Variants in ATAD5 observed in about 807,000 individuals in gnomAD.
ATAD5 encodes the protein ATPase family AAA domain-containing protein 5.
In ATAD5, 58 loss-of-function variants were observed where a neutral mutation model predicts 176.9. The observed-to-expected ratio is 0.33, with a 90% confidence interval of 0.27 to 0.41. The LOEUF (loss-of-function observed/expected upper bound fraction) is 0.41, where lower values mean the gene tolerates loss of function less well. ATAD5 is among the 10% of genes least tolerant of loss of function. ATAD5 has a pLI of 1.00. For synonymous variants in ATAD5, 640 were observed against 712.6 expected, an observed-to-expected ratio of 0.90 and a Z score of 1.62; for missense variants, 1,789 against 2,094.1, an observed-to-expected ratio of 0.85 and a Z score of 2.84.
chr17:30,857,891 G>T (rs887342139), intron 8 of ATAD5, among the ~76,000 whole-genome samples: 1 of 151,750 alleles, frequency 6.6e-6, no homozygotes, highest in Non-Finnish European at 1.5e-5. Context: ...ACAGGCACAC[G>T]CCACCATGCC....
chr17:30,833,679 ATG>A (rs1305002278), intron 1 of ATAD5, among the ~76,000 whole-genome samples: 2 of 152,012 alleles, frequency 1.3e-5, no homozygotes, highest in African/African-American at 4.8e-5. Context: ...TAATACATGT[ATG>A]GTTTCTTTTT....
intron 1 of ATAD5, 29 bp from the exon 2 acceptor site, chr17:30,834,119 A>G (rs1223737700): frequency 1.4e-6 from 2 of 1,470,646 alleles, no homozygotes; most frequent in Non-Finnish European, 1.8e-6. Flanking sequence ...TGCTTGAAAT[A>G]AGTGCCTTTT....
intron 14 of ATAD5, among the ~76,000 whole-genome samples, chr17:30,871,315 T>G (rs922127492): frequency 2.6e-5 from 4 of 151,518 alleles, no homozygotes; most frequent in African/African-American, 4.9e-5. Context: ...AACAACTGTT[T>G]TAATGGTCTT....
At chr17:30,877,645 A>G in intron 16 of ATAD5, 96 bp downstream of exon 16, 3 of 1,308,130 alleles carry the variant, frequency 2.3e-6, no homozygotes, top group Non-Finnish European at 3.2e-6. Flanking sequence ...TAAAATAGCT[A>G]AGGAGGTCAG....
At chr17:30,875,230 G>C (rs1341456187) in intron 14 of ATAD5, among the ~76,000 whole-genome samples, 1 of 152,132 alleles carries the variant, frequency 6.6e-6, no homozygotes. Flanking sequence ...GAGGGGAAGA[G>C]AGGATGTATT....
chr17:30,876,702 CTTTTTTTTTTTTTT>C (rs202065630), intron 15 of ATAD5, 152 bp downstream of exon 15: 36 of 127,772 alleles, frequency 2.8e-4, no homozygotes, highest in South Asian at 5.1e-4. Context: ...ATTTTGTTTC[CTTTTTTTTTTTTTT>C]TTTTTTTTTT....
At chr17:30,842,479 C>T (rs1906187098) in intron 4 of ATAD5, among the ~76,000 whole-genome samples, 1 of 152,128 alleles carries the variant, frequency 6.6e-6, no homozygotes, top group Non-Finnish European at 1.5e-5. Flanking sequence ...CTCTCCCCTA[C>T]ATTCAGATGT....
At position 30,895,399 on chromosome 17, in the gene ATAD5, T is replaced by G. The variant is rs987120115; in HGVS notation, c.*486T>G. 6.7e-6 allele frequency: 1 copy of G among 149,972 alleles called. No individual in the cohort carries two copies. Among genetic ancestry groups the G allele is most frequent in the African/African-American group, 2.4e-5 (1 of 41,198 alleles). 9.3% of individuals were successfully genotyped at this position (149,972 alleles called of 1,614,324 possible). On this transcript the variant is annotated 3_prime_UTR_variant, in exon 23 of 23. Transcript: ENST00000321990. ...GATCCTCATATTGTACAGTTTTTTT[T>G]GTGTGCTTTTTTTTTTTTTTTTTGA...
Position 30,869,210 on chromosome 17 carries a change from GC to G in ATAD5, c.3314-37del, listed in dbSNP as rs776535263. 3.8e-6 allele frequency: 6 copies of G among 1,575,470 alleles called. No homozygotes were observed. The East Asian group carries it at 1.3e-4, about 35-fold the overall frequency. The stretch of plus-strand genomic sequence containing the variant: ...TTCATAAGGTAGAATTGCTTCCTCA[GC>G]AATTGTCATTTTATATGCATTTGAA... On this transcript the variant is annotated intron_variant, in intron 12 of 22. Coordinates refer to ENST00000321990, the MANE Select transcript of ATAD5 (RefSeq NM_024857.5).
At chr17:30,860,325 G>C (rs1907551164) in intron 9 of ATAD5, 108 bp from the exon 10 acceptor site, 3 of 1,284,230 alleles carry the variant, frequency 2.3e-6, no homozygotes. Context: ...CACCTGGATT[G>C]CCTTTGCATT....
Position 30,840,959 on chromosome 17 carries a change from A to C in ATAD5, c.2241+178A>C, listed in dbSNP as rs576675047. 4.6e-5 allele frequency among the ~76,000 whole-genome samples: 7 copies of C among 152,084 alleles called. No homozygotes were observed. The South Asian group carries it at 6.2e-4, about 14-fold the overall frequency. ...CTGCTTTTTTTTGTCTGCAGAATAC[A>C]GTTTGAATCCTTCTTAAGTCACTCA... is the stretch of plus-strand genomic sequence containing the variant. On this transcript the variant is annotated intron_variant, in intron 4 of 22. Transcript: ENST00000321990.
At chr17:30,875,933 C>A (rs923573022) in intron 14 of ATAD5, among the ~76,000 whole-genome samples, 1 of 151,430 alleles carries the variant, frequency 6.6e-6, no homozygotes, top group Admixed American at 6.6e-5. Flanking sequence ...GTCAGGAGAT[C>A]GAGACCATCC....
In ATAD5 at chr17:30,844,033, G is replaced by A; in HGVS notation, c.2362G>A (p.Val788Ile). The change falls in exon 5 of 23, where the codon GTA becomes ATA. Residue 788 changes from valine to isoleucine, a missense_variant. Around this residue, in one of 6 missense-constraint regions of ATAD5, gnomAD observed 487 missense variants for 573.6 expected, o/e 0.85. Coordinates refer to ENST00000321990, the MANE Select transcript of ATAD5 (RefSeq NM_024857.5). ...AAAACTTAACACATCCACTAAAAAT[G>A]TACCTGGTAATCAGAGTTAATAATA... is the stretch of plus-strand genomic sequence containing the variant. ...GKKLNTSTKNVPGKMKVAPLF... is the reference protein window; with the variant it reads ...GKKLNTSTKNIPGKMKVAPLF... 6.5e-7 allele frequency: 1 copy of A among 1,540,430 alleles called. No homozygotes were observed. Among genetic ancestry groups the A allele is most frequent in the African/African-American group, 1.4e-5 (1 of 71,744 alleles).
chr17:30,835,265 G>C lies in ATAD5; in HGVS notation c.1184G>C (p.Cys395Ser), dbSNP rs768242074. ...AGSSEAVKPK[C>S]TLEERQQFMK... ...AGTTCTGAAGCTGTGAAACCAAAAT[G>C]CACTCTAGAAGAAAGACAGCAATTT... The change falls in exon 2 of 23, where the codon TGC becomes TCC. Residue 395 changes from cysteine (C) to serine (S), a missense_variant. By Grantham distance (112) the Cys-to-Ser change is moderately radical. Transcript: ENST00000321990. 4 of 1,614,068 alleles carry C rather than the reference G, an allele frequency of 2.5e-6. No homozygotes were observed. The South Asian group carries it at 4.4e-5, about 18-fold the overall frequency.
At chr17:30,861,928 T>G (rs1199997014) in intron 10 of ATAD5, 1 of 151,956 alleles carries the variant, frequency 6.6e-6, no homozygotes, top group Non-Finnish European at 1.5e-5. Context: ...GACAATTTTT[T>G]TTTTTTTTTT....
chr17:30,868,707 A>T (rs1224730540), intron 12 of ATAD5, among the ~76,000 whole-genome samples: 1 of 151,560 alleles, frequency 6.6e-6, no homozygotes, highest in East Asian at 1.9e-4. Flanking sequence ...GGGTTTCACC[A>T]TCTTGGCCAG....
chr17:30,860,372 A>G, intron 9 of ATAD5, 61 bp from the exon 10 acceptor site: 7 of 1,519,344 alleles, frequency 4.6e-6, no homozygotes, highest in Non-Finnish European at 6.2e-6. Flanking sequence ...TGGAAGTGAT[A>G]TTAATATTAC....
At chr17:30,874,607 C>CTATTTATTTATT (rs200064158) in intron 14 of ATAD5, among the ~76,000 whole-genome samples, 8,240 of 133,100 alleles carry the variant, frequency 0.062, 342 homozygotes, top group African/African-American at 0.1. Context: ...ATCTGTTCAA[C>CTATTTATTTATT]TATTTATTTA....
At position 30,834,996 on chromosome 17, in the gene ATAD5, A is replaced by G. The variant is rs751786006; in HGVS notation, c.915A>G (p.Ile305Met). The stretch of plus-strand genomic sequence containing the variant: ...ACGAAATAGTCAAAAGTGGTTATAT[A>G]AGTGAATCAGAAAACTCCGAAATTT... ...TVDEIVKSGY[I>M]SESENSEISQ... The change falls in exon 2 of 23, where the codon ATA (isoleucine) becomes ATG (methionine). Residue 305 changes from isoleucine to methionine, a missense_variant. Around this residue, in one of 6 missense-constraint regions of ATAD5, gnomAD observed 696 missense variants for 712.5 expected, o/e 0.98. Transcript: ENST00000321990. The G allele has an allele frequency of 1.9e-6, 3 of 1,613,948 alleles. No homozygotes were observed. The highest frequency in any genetic ancestry group is 1.7e-5 in the Admixed American group (1 of 59,994).
Sources: gnomAD v4.1 joint callset for allele counts (sites outside exome capture counted in the v4.1 genomes callset) on GRCh38, gnomAD v4.1.1 for gene constraint, gnomAD v4.1.1 regional missense constraint, MANE v1.5 for transcripts, NCBI Gene and HGNC (gene_info 2026-07-23, HGNC 2026-07-21) for gene names.